The following MLLT3 variants were observed in gnomAD, a reference collection of about 807,000 sequenced individuals.
MLLT3 encodes protein AF-9.
A neutral mutation model predicts 53.2 loss-of-function variants in MLLT3; 4 were observed. The observed-to-expected ratio is 0.08, with a 90% CI of 0.04 to 0.17. The LOEUF is 0.17. Among genes scored for constraint, MLLT3 ranks in the 10% least tolerant of loss-of-function variants. MLLT3 has a pLI of 1.00. For missense variants in MLLT3, 569 were observed against 684.0 expected, an observed-to-expected ratio of 0.83 and a Z score of 1.87; for synonymous variants, 283 against 230.6, an observed-to-expected ratio of 1.23 and a Z score of -2.06.
At chr9:20,614,057 C>A (rs1820764347) in intron 2 of MLLT3, among the ~76,000 whole-genome samples, 1 of 152,022 alleles carries the variant, frequency 6.6e-6, no homozygotes, top group African/African-American at 2.4e-5. Flanking sequence ...GATGATATGC[C>A]ACAAGGGTAG....
At chr9:20,438,633 C>T (rs1307321789) in intron 4 of MLLT3, among the ~76,000 whole-genome samples, 1 of 152,108 alleles carries the variant, frequency 6.6e-6, no homozygotes, top group Non-Finnish European at 1.5e-5. Flanking sequence ...ACAGGTCTCA[C>T]TCTGTGGCCC....
intron 8 of MLLT3, among the ~76,000 whole-genome samples, chr9:20,357,258 C>G (rs1821193432): frequency 6.6e-6 from 1 of 152,208 alleles, no homozygotes; most frequent in African/African-American, 2.4e-5. Flanking sequence ...TCCCCTCCCT[C>G]CCTGCCAAGC....
chr9:20,465,682 C>CA (rs1297621134), intron 2 of MLLT3, among the ~76,000 whole-genome samples: 2 of 152,126 alleles, frequency 1.3e-5, no homozygotes, highest in African/African-American at 4.8e-5. Flanking sequence ...GGACAGGATC[C>CA]AAAATTGTCC....
chr9:20,608,528 A>G lies in MLLT3; in HGVS notation c.193+12126T>C, dbSNP rs577286105. Among the ~76,000 whole-genome samples, 4 of 152,064 alleles carry G rather than the reference A, an allele frequency of 2.6e-5. 1 individual carries two copies. Among genetic ancestry groups the G allele is most frequent in the African/African-American group, 4.8e-5 (2 of 41,556 alleles). ...ATCTCATTACTTTTATAACTTCAAT[A>G]CAAAATGTTAAGAAAGGTAAGAACG... On this transcript the variant is annotated intron_variant, in intron 2 of 10. Transcript: ENST00000380338.
At chr9:20,552,459 C>T (rs1378264941) in intron 2 of MLLT3, among the ~76,000 whole-genome samples, 8 of 152,064 alleles carry the variant, frequency 5.3e-5, no homozygotes, top group Admixed American at 3.3e-4. Flanking sequence ...TCATCACATG[C>T]GGCACCACTA....
At chr9:20,473,598 G>A (rs945709832) in intron 2 of MLLT3, among the ~76,000 whole-genome samples, 9 of 152,014 alleles carry the variant, frequency 5.9e-5, no homozygotes, top group South Asian at 2.1e-4. Flanking sequence ...CTTTTCATTG[G>A]TTGGTAAAGA....
intron 2 of MLLT3, among the ~76,000 whole-genome samples, chr9:20,608,141 T>A (rs1210138254): frequency 6.6e-6 from 1 of 152,016 alleles, no homozygotes; most frequent in Non-Finnish European, 1.5e-5. Context: ...TAAAAGTTCA[T>A]GTTTAACTTC....
At chr9:20,602,567 G>T (rs1333382152) in intron 2 of MLLT3, among the ~76,000 whole-genome samples, 1 of 152,058 alleles carries the variant, frequency 6.6e-6, no homozygotes, top group Non-Finnish European at 1.5e-5. Context: ...TATAGTACAC[G>T]CATGTGCTCA....
intron 5 of MLLT3, among the ~76,000 whole-genome samples, chr9:20,384,559 G>A (rs117975429): frequency 0.012 from 1,778 of 152,072 alleles, 17 homozygotes; most frequent in Admixed American, 0.019. Context: ...TGCTCAGTTT[G>A]TACCTATCAT....
intron 2 of MLLT3, among the ~76,000 whole-genome samples, chr9:20,474,224 T>TA (rs992445264): frequency 6.6e-6 from 1 of 152,126 alleles, no homozygotes; most frequent in South Asian, 2.1e-4. Context: ...AATTTTGGCT[T>TA]AAAACCACAT....
chr9:20,391,957 CA>C (rs1204003447), intron 5 of MLLT3, among the ~76,000 whole-genome samples: 1 of 151,986 alleles, frequency 6.6e-6, no homozygotes, highest in Non-Finnish European at 1.5e-5. Context: ...AGACAGAAAA[CA>C]ACTAAAGAAA....
intron 2 of MLLT3, among the ~76,000 whole-genome samples, chr9:20,618,698 C>G (rs1820903326): frequency 6.6e-6 from 1 of 152,204 alleles, no homozygotes; most frequent in African/African-American, 2.4e-5. Context: ...CGCCTAGCAA[C>G]AACTCCCAGG....
intron 2 of MLLT3, among the ~76,000 whole-genome samples, chr9:20,616,642 T>C (rs933142075): frequency 3.0e-4 from 46 of 152,270 alleles, no homozygotes; most frequent in African/African-American, 1.1e-3. Flanking sequence ...CACAAGCACT[T>C]TTTTGAAAAA....
intron 4 of MLLT3, among the ~76,000 whole-genome samples, chr9:20,435,356 A>G (rs888306798): frequency 2.0e-5 from 3 of 152,104 alleles, no homozygotes; most frequent in Non-Finnish European, 4.4e-5. Flanking sequence ...TTTTAAAAAA[A>G]AGAAGAAACT....
intron 5 of MLLT3, among the ~76,000 whole-genome samples, chr9:20,367,079 C>T (rs906988641): frequency 2.6e-5 from 4 of 152,206 alleles, no homozygotes; most frequent in Admixed American, 6.5e-5. Context: ...CCAAATGAGT[C>T]AAGGGAAAAT....
chr9:20,441,209 C>G (rs978643738), intron 4 of MLLT3, among the ~76,000 whole-genome samples: 4 of 152,208 alleles, frequency 2.6e-5, no homozygotes, highest in Non-Finnish European at 2.9e-5. Context: ...AAGGAAGGAA[C>G]AAATGAAGAC....
chr9:20,362,228 T>C (rs1394535358), intron 7 of MLLT3, among the ~76,000 whole-genome samples: 1 of 152,126 alleles, frequency 6.6e-6, no homozygotes. Context: ...CAAACCTACA[T>C]GATGACCACA....
intron 5 of MLLT3, among the ~76,000 whole-genome samples, chr9:20,401,289 A>G (rs1822448515): frequency 6.6e-6 from 1 of 152,178 alleles, no homozygotes; most frequent in Non-Finnish European, 1.5e-5. Context: ...AAATATGTTA[A>G]TAACTGATTT....
chr9:20,498,266 A>AACAG (rs760352616), intron 2 of MLLT3, among the ~76,000 whole-genome samples: 1 of 98,284 alleles, frequency 1.0e-5, no homozygotes, highest in African/African-American at 3.6e-5. Context: ...AAAAAAAAAA[A>AACAG]GTTCTTCTAG....
Sources: allele counts gnomAD v4.1 joint callset (sites outside exome capture counted in the v4.1 genomes callset), GRCh38; gene constraint gnomAD v4.1.1; transcripts MANE v1.5; gene names NCBI Gene and HGNC (gene_info 2026-07-23, HGNC 2026-07-21).